Variants in DENND4A observed in about 807,000 individuals in gnomAD.
DENND4A encodes the protein DENN domain containing 4A.
DENND4A carries 70 observed loss-of-function variants against 199.3 expected under a neutral mutation model. That is an observed-to-expected ratio of 0.35 (90% CI 0.29 to 0.43). DENND4A has a LOEUF of 0.43. Among genes scored for constraint, DENND4A ranks in the 20% least tolerant of loss-of-function variants. DENND4A has a pLI of 1.00. For synonymous variants in DENND4A, 686 were observed against 766.9 expected, an observed-to-expected ratio of 0.89 and a Z score of 1.74; for missense variants, 1,723 against 2,255.8, an observed-to-expected ratio of 0.76 and a Z score of 4.78.
intron 11 of DENND4A, among the ~76,000 whole-genome samples, chr15:65,728,089 G>A (rs147510133): frequency 0.043 from 6,471 of 151,740 alleles, 395 homozygotes; most frequent in African/African-American, 0.13. Context: ...GCTCACTGCA[G>A]CCTCCGCCTC....
At chr15:65,723,922 C>T (rs1357083028) in intron 11 of DENND4A, among the ~76,000 whole-genome samples, 1 of 152,104 alleles carries the variant, frequency 6.6e-6, no homozygotes, top group Non-Finnish European at 1.5e-5. Context: ...CTGGGACAGG[C>T]TCCTATAATC....
rs1406454967 is a variant in DENND4A, at chr15:65,660,247, T to C, written c.*1604A>G. On this transcript the variant is annotated 3_prime_UTR_variant, in exon 33 of 33. Coordinates refer to ENST00000443035, the MANE Select transcript of DENND4A (RefSeq NM_001320835.1). ...TTCAGCCCCAAACTAACTGAAGTTT[T>C]ACATTTTTAAACTCTCTCCATTATT... 3 of 1,524,402 alleles carry C rather than the reference T, an allele frequency of 2.0e-6. No individual in the cohort carries two copies. Among genetic ancestry groups the C allele is most frequent in the Admixed American group, 3.9e-5 (2 of 50,930 alleles). 94.4% of individuals were successfully genotyped at this position (1,524,402 alleles called of 1,614,324 possible).
At chr15:65,695,005 A>G (rs1220643429) in intron 22 of DENND4A, among the ~76,000 whole-genome samples, 1 of 152,224 alleles carries the variant, frequency 6.6e-6, no homozygotes. Flanking sequence ...AATAAAATAA[A>G]GATCAAAGGC....
At chr15:65,742,478 C>T (rs1019625603) in intron 4 of DENND4A, among the ~76,000 whole-genome samples, 3 of 146,246 alleles carry the variant, frequency 2.1e-5, no homozygotes, top group Non-Finnish European at 1.5e-5. Context: ...GAGATAGAGT[C>T]GCAATGGTGC....
chr15:65,678,659 C>A (rs1566994172), intron 23 of DENND4A, among the ~76,000 whole-genome samples: 1 of 152,280 alleles, frequency 6.6e-6, no homozygotes, highest in South Asian at 2.1e-4. Flanking sequence ...ATGAGAATAT[C>A]AAGTTTTATT....
chr15:65,674,095 T>C (rs2076296962), intron 24 of DENND4A, among the ~76,000 whole-genome samples: 1 of 152,078 alleles, frequency 6.6e-6, no homozygotes, highest in African/African-American at 2.4e-5. Flanking sequence ...AAAGAGTTAA[T>C]AGACATATCA....
At chr15:65,682,787 C>T (rs1259800810) in intron 23 of DENND4A, among the ~76,000 whole-genome samples, 16 of 152,226 alleles carry the variant, frequency 1.1e-4, no homozygotes, top group South Asian at 6.2e-4. Flanking sequence ...TTAGAAGCCA[C>T]TGTAGGGTTA....
intron 18 of DENND4A, 117 bp downstream of exon 18, chr15:65,701,645 T>A (rs774636918): frequency 7.5e-6 from 7 of 928,250 alleles, no homozygotes; most frequent in Non-Finnish European, 1.1e-5. Context: ...ATTGACAAAA[T>A]GTATTTTATA....
intron 22 of DENND4A, among the ~76,000 whole-genome samples, chr15:65,695,575 T>C (rs562840751): frequency 3.9e-5 from 6 of 152,254 alleles, no homozygotes; most frequent in Admixed American, 3.3e-4. Context: ...CCAGACACCA[T>C]TGCAGCAAAA....
At chr15:65,719,738 T>C (rs2075549033) in intron 12 of DENND4A, among the ~76,000 whole-genome samples, 1 of 151,834 alleles carries the variant, frequency 6.6e-6, no homozygotes, top group East Asian at 1.9e-4. Flanking sequence ...AATTTTTTTT[T>C]TTTTTAATTA....
chr15:65,725,442 C>T (rs1361586303), intron 11 of DENND4A, among the ~76,000 whole-genome samples: 1 of 151,982 alleles, frequency 6.6e-6, no homozygotes, highest in Non-Finnish European at 1.5e-5. Context: ...TTTGGGAGGC[C>T]GAGGCGGGCA....
chr15:65,789,378 A>C (rs2141026640), intron 1 of DENND4A, among the ~76,000 whole-genome samples: 1 of 152,182 alleles, frequency 6.6e-6, no homozygotes, highest in African/African-American at 2.4e-5. Context: ...GTACATTTCT[A>C]CATTGGTCTT....
At chr15:65,698,338 A>G (rs1243628286) in intron 20 of DENND4A, among the ~76,000 whole-genome samples, 1 of 152,194 alleles carries the variant, frequency 6.6e-6, no homozygotes, top group African/African-American at 2.4e-5. Context: ...GAGGCTCTGC[A>G]TCATTTTTAG....
chr15:65,783,128 G>A (rs1177112880), intron 1 of DENND4A, among the ~76,000 whole-genome samples: 1 of 152,058 alleles, frequency 6.6e-6, no homozygotes, highest in Admixed American at 6.5e-5. Context: ...GATGTCAGGG[G>A]AAAAGGTTTG....
intron 2 of DENND4A, among the ~76,000 whole-genome samples, chr15:65,757,465 T>C (rs892038316): frequency 6.6e-6 from 1 of 152,154 alleles, no homozygotes; most frequent in Admixed American, 6.5e-5. Flanking sequence ...CTGAGCCACC[T>C]ATATAAAGCT....
chr15:65,668,208 C>G, intron 27 of DENND4A, 85 bp from the exon 28 acceptor site: 1 of 958,822 alleles, frequency 1.0e-6, no homozygotes, highest in African/African-American at 1.7e-5. Flanking sequence ...CTCTCTCTCT[C>G]TCTTTTTTTT....
chr15:65,684,717 CTT>C (rs932753142), intron 23 of DENND4A, among the ~76,000 whole-genome samples: 3 of 151,826 alleles, frequency 2.0e-5, no homozygotes, highest in African/African-American at 7.3e-5. Context: ...TAATGCCTAA[CTT>C]ATCAATTTTT....
At chr15:65,713,844 T>C (rs1295567783) in intron 14 of DENND4A, among the ~76,000 whole-genome samples, 1 of 152,218 alleles carries the variant, frequency 6.6e-6, no homozygotes, top group Non-Finnish European at 1.5e-5. Flanking sequence ...CTGATTCTTT[T>C]AGTGGAGAAT....
chr15:65,788,087 T>A (rs990736637), intron 1 of DENND4A, among the ~76,000 whole-genome samples: 1 of 151,922 alleles, frequency 6.6e-6, no homozygotes, highest in Non-Finnish European at 1.5e-5. Flanking sequence ...ATTTATTTTT[T>A]TTTTTTTGAG....
Sources: gnomAD v4.1 joint callset for allele counts (sites outside exome capture counted in the v4.1 genomes callset) on GRCh38, gnomAD v4.1.1 for gene constraint, MANE v1.5 for transcripts, NCBI Gene and HGNC (gene_info 2026-07-23, HGNC 2026-07-21) for gene names.